SLC6A3: variants seen among roughly 807,000 people sequenced by gnomAD.
SLC6A3 encodes solute carrier family 6 member 3, also known as sodium-dependent dopamine transporter.
Under a neutral mutation model 70.4 loss-of-function variants are expected in SLC6A3, and 19 were observed. That is an observed-to-expected ratio of 0.27 (90% confidence interval 0.19 to 0.40). SLC6A3 has a LOEUF of 0.40. Ranked by LOEUF, SLC6A3 falls within the 10% of genes least tolerant of loss-of-function variation. The pLI, the probability that SLC6A3 is intolerant of heterozygous loss-of-function variation, is 1.00. For synonymous variants in SLC6A3, 368 were observed against 356.6 expected (o/e 1.03, Z -0.36); for missense variants, 613 against 838.5 (o/e 0.73, Z 3.32).
Position 1,443,489 on chromosome 5 carries a change from C to T in SLC6A3, c.-45-247G>A, listed in dbSNP as rs2937640. Among the ~76,000 whole-genome samples, 75,945 of 151,386 alleles carry T rather than the reference C, an allele frequency of 0.5. 20,007 individuals are homozygous for T. Among genetic ancestry groups the T allele is most frequent in the Non-Finnish European group, 0.59 (40,175 of 67,684 alleles). On this transcript the variant is annotated intron_variant, in intron 1 of 14. Coordinates refer to ENST00000270349, the MANE Select transcript of SLC6A3 (RefSeq NM_001044.5). ...CTCAAGACAGACACTCTGGTTTGCTCCTCCTTCCCCTGCACCCCTCCCCAC... is the reference window on the plus strand; with the variant it reads ...CTCAAGACAGACACTCTGGTTTGCTTCTCCTTCCCCTGCACCCCTCCCCAC...
chr5:1,396,008 G>A lies in SLC6A3; in HGVS notation c.1840-1250C>T, dbSNP rs891430401. Among the ~76,000 whole-genome samples, 7 of 152,212 alleles carry A rather than the reference G, an allele frequency of 4.6e-5. No homozygotes were observed. The highest frequency in any genetic ancestry group is 1.7e-4 in the African/African-American group (7 of 41,446). On this transcript the variant is annotated intron_variant, in intron 14 of 14. Transcript: ENST00000270349. This position sits in a 1 kb window ranked among gnomAD's most constrained non-coding sequence, Gnocchi z 7.0. ...AATTTGACCCCAAAGGACCAGAGCT[G>A]TTGCAACAGATTACAGGATGGCCAC...
At chr5:1,418,462 A>G (rs547359059) in intron 6 of SLC6A3, among the ~76,000 whole-genome samples, 1 of 152,222 alleles carries the variant, frequency 6.6e-6, no homozygotes, top group Non-Finnish European at 1.5e-5. Context: ...TCTATCATCT[A>G]TCTGTCATCT....
chr5:1,408,491 A>G lies in SLC6A3; in HGVS notation c.1498+535T>C, dbSNP rs1756039623. 6.6e-6 allele frequency among the ~76,000 whole-genome samples: 1 copy of G among 151,674 alleles called. No homozygotes were observed. Among genetic ancestry groups the G allele is most frequent in the African/African-American group, 2.4e-5 (1 of 41,368 alleles). On this transcript the variant is annotated intron_variant, in intron 11 of 14. Transcript: ENST00000270349. This position sits in a 1 kb window ranked among gnomAD's most constrained non-coding sequence, Gnocchi z 6.4. ...ACTTGGCCAGGTCAGCATGTGGGGA[A>G]AGGGCAGCCCTGGCTCCAGGCTGGG...
rs1755669711 is a variant in SLC6A3, at chr5:1,394,684, G to A, written c.*51C>T. The A allele has an allele frequency of 3.8e-6, 6 of 1,573,962 alleles. No individual in the cohort carries two copies. Among genetic ancestry groups the A allele is most frequent in the Non-Finnish European group, 5.2e-6 (6 of 1,143,450 alleles). On this transcript the variant is annotated 3_prime_UTR_variant, in exon 15 of 15. Coordinates refer to ENST00000270349, the MANE Select transcript of SLC6A3 (RefSeq NM_001044.5). This position sits in a 1 kb window ranked among gnomAD's most constrained non-coding sequence, Gnocchi z 4.7. ...AAACTTAGATTTCCTTGGTTTGTTC[G>A]TGTCTCTCCCATTGCAGGATGACTT... is the stretch of plus-strand genomic sequence containing the variant.
chr5:1,421,108 C>T lies in SLC6A3; in HGVS notation c.793-405G>A, dbSNP rs1756425158. Among the ~76,000 whole-genome samples the T allele has an allele frequency of 6.6e-6, 1 of 152,020 alleles. No homozygotes were observed. Among genetic ancestry groups the T allele is most frequent in the East Asian group, 1.9e-4 (1 of 5,188 alleles). On this transcript the variant is annotated intron_variant, in intron 5 of 14. Coordinates refer to ENST00000270349, the MANE Select transcript of SLC6A3 (RefSeq NM_001044.5). The surrounding 1 kb of genome is among the most constrained non-coding windows in gnomAD (Gnocchi z 7.2). ...GGAGGCTCCCGTGGCTGGTGCCATA[C>T]TACACGCACTTTTCCAAGGGAGGAG...
At chr5:1,419,606 G>A (rs751109552) in intron 6 of SLC6A3, among the ~76,000 whole-genome samples, 64 of 152,152 alleles carry the variant, frequency 4.2e-4, no homozygotes, top group Non-Finnish European at 1.5e-4. Flanking sequence ...GGGTCCAGAC[G>A]CCCTGCTGAC....
chr5:1,399,101 TC>T, intron 14 of SLC6A3, among the ~76,000 whole-genome samples: 1 of 152,294 alleles, frequency 6.6e-6, no homozygotes, highest in South Asian at 2.1e-4. Flanking sequence ...TAAAGAAGTC[TC>T]AATACATTTT....
At chr5:1,426,315 G>A (rs1756574566) in intron 4 of SLC6A3, among the ~76,000 whole-genome samples, 1 of 152,178 alleles carries the variant, frequency 6.6e-6, no homozygotes, top group Non-Finnish European at 1.5e-5. Context: ...GAGGCGGGAG[G>A]ATTACTTGAG....
chr5:1,432,852 G>A (rs1220182908), intron 3 of SLC6A3, among the ~76,000 whole-genome samples, 154 bp from the exon 4 acceptor site: 1 of 74,044 alleles, frequency 1.4e-5, no homozygotes, highest in African/African-American at 7.7e-5. Context: ...CAAACATGCA[G>A]GGAAGGCCCG....
chr5:1,410,395 C>T (rs935991080), intron 9 of SLC6A3, among the ~76,000 whole-genome samples: 3 of 152,170 alleles, frequency 2.0e-5, no homozygotes, highest in African/African-American at 7.2e-5. Flanking sequence ...GGCCTGTGGT[C>T]AACCCAGGAG....
intron 4 of SLC6A3, among the ~76,000 whole-genome samples, chr5:1,423,480 T>C (rs1244076079): frequency 6.6e-6 from 1 of 152,238 alleles, no homozygotes; most frequent in Non-Finnish European, 1.5e-5. Context: ...TCTGAGGGGA[T>C]GGCTCACGAC....
chr5:1,440,501 TAATA>T (rs1310114330), intron 3 of SLC6A3, among the ~76,000 whole-genome samples: 1 of 148,844 alleles, frequency 6.7e-6, no homozygotes. Flanking sequence ...GATTGACAGA[TAATA>T]GATAGATAGA....
intron 4 of SLC6A3, among the ~76,000 whole-genome samples, chr5:1,431,011 A>T (rs1350707510): frequency 6.6e-6 from 1 of 152,240 alleles, no homozygotes; most frequent in Non-Finnish European, 1.5e-5. Context: ...GAGCCCCCCA[A>T]ACAGGAGCGC....
intron 3 of SLC6A3, among the ~76,000 whole-genome samples, chr5:1,441,149 G>A (rs1228305269): frequency 6.6e-6 from 1 of 152,204 alleles, no homozygotes; most frequent in Non-Finnish European, 1.5e-5. Flanking sequence ...TGAATTGCAG[G>A]ACCCTCACCT....
At position 1,421,826 on chromosome 5, in the gene SLC6A3, A is replaced by G. The variant is rs1360176582; in HGVS notation, c.792+50T>C. On this transcript the variant is annotated intron_variant, in intron 5 of 14. Coordinates refer to ENST00000270349, the MANE Select transcript of SLC6A3 (RefSeq NM_001044.5). This position sits in a 1 kb window ranked among gnomAD's most constrained non-coding sequence, Gnocchi z 7.2. ...CCTGTCCAGCCACGGCCACATGTCC[A>G]CTTGGTGGCCCCATGTCTACAGGCC... 1 of 1,603,414 alleles carries G rather than the reference A, an allele frequency of 6.2e-7. No homozygotes were observed. Among genetic ancestry groups the G allele is most frequent in the Admixed American group, 1.7e-5 (1 of 59,990 alleles).
rs1234197261 is a variant in SLC6A3 at position 1,396,787 on chromosome 5, G to T, written c.1840-2029C>A. 6.6e-6 allele frequency among the ~76,000 whole-genome samples: 1 copy of T among 152,200 alleles called. No homozygotes were observed. ...GGGATCTGCATGGGGTGTGCATAAG[G>T]TCTTGCTTCAGTAGGGGTTGGTTAG... On this transcript the variant is annotated intron_variant, in intron 14 of 14. Coordinates refer to ENST00000270349, the MANE Select transcript of SLC6A3 (RefSeq NM_001044.5). The surrounding 1 kb of genome is among the most constrained non-coding windows in gnomAD (Gnocchi z 7.0).
chr5:1,421,154 G>C lies in SLC6A3; in HGVS notation c.793-451C>G, dbSNP rs1473478288. ...AGGAGTCGTATCTTGGTCAAAACTG[G>C]TTTTGGCCCATATAACAACCAAAGT... On this transcript the variant is annotated intron_variant, in intron 5 of 14. Coordinates refer to ENST00000270349, the MANE Select transcript of SLC6A3 (RefSeq NM_001044.5). This position sits in a 1 kb window ranked among gnomAD's most constrained non-coding sequence, Gnocchi z 7.2. Among the ~76,000 whole-genome samples, 1 of 151,376 alleles carries C rather than the reference G, an allele frequency of 6.6e-6. No individual in the cohort carries two copies. Among genetic ancestry groups the C allele is most frequent in the Non-Finnish European group, 1.5e-5 (1 of 67,872 alleles).
chr5:1,404,430 G>T lies in SLC6A3; in HGVS notation c.1600-1341C>A, dbSNP rs1034795137. 6.6e-6 allele frequency among the ~76,000 whole-genome samples: 1 copy of T among 152,220 alleles called. No homozygotes were observed. On this transcript the variant is annotated intron_variant, in intron 12 of 14. Coordinates refer to ENST00000270349, the MANE Select transcript of SLC6A3 (RefSeq NM_001044.5). The surrounding 1 kb of genome is among the most constrained non-coding windows in gnomAD (Gnocchi z 5.2). ...TGACATGGAGGTATTGCTGTAATGT[G>T]CTCTCTGTTATTGTTCAACTTCTTG...
intron 14 of SLC6A3, among the ~76,000 whole-genome samples, chr5:1,398,679 C>T (rs1310779465): frequency 6.6e-6 from 1 of 152,188 alleles, no homozygotes; most frequent in African/African-American, 2.4e-5. Context: ...AAAGATATTT[C>T]AGGCAAACTC....
Sources: gnomAD v4.1 joint callset for allele counts (sites outside exome capture counted in the v4.1 genomes callset) on GRCh38, gnomAD v4.1.1 for gene constraint, Gnocchi (gnomAD v3.1) non-coding constraint, MANE v1.5 for transcripts, NCBI Gene and HGNC (gene_info 2026-07-23, HGNC 2026-07-21) for gene names.